AKAP19: variants seen among roughly 807,000 people sequenced by gnomAD.
AKAP19 encodes the protein A-kinase anchoring protein 19, also known as small A-kinase anchoring protein.
chr2:190,013,546 C>T, the AKAP19 span, among the ~76,000 whole-genome samples: 2 of 151,754 alleles, frequency 1.3e-5, no homozygotes, highest in East Asian at 1.9e-4. Flanking sequence ...GATGGAGTCT[C>T]GCTCTGTCAC....
chr2:189,967,858 A>G, the AKAP19 span, among the ~76,000 whole-genome samples: 1 of 152,050 alleles, frequency 6.6e-6, no homozygotes, highest in Non-Finnish European at 1.5e-5. Context: ...TGAAATTAAA[A>G]AAAAAAAAGG....
chr2:190,029,850 TGAGC>T, the AKAP19 span, among the ~76,000 whole-genome samples: 2 of 152,190 alleles, frequency 1.3e-5, no homozygotes, highest in African/African-American at 4.8e-5. Flanking sequence ...ACACACAGAC[TGAGC>T]GAGAGAATAT....
chr2:189,922,242 G>C, the AKAP19 span, among the ~76,000 whole-genome samples: 1 of 152,184 alleles, frequency 6.6e-6, no homozygotes, highest in African/African-American at 2.4e-5. Flanking sequence ...TCATATCATT[G>C]TAACTTTTGT....
chr2:190,154,607 T>C, the AKAP19 span, among the ~76,000 whole-genome samples: 116 of 152,358 alleles, frequency 7.6e-4, no homozygotes, highest in Admixed American at 1.2e-3. Flanking sequence ...CATACTGTTA[T>C]CTTAATTGAG....
At chr2:189,985,682 T>G in the AKAP19 span, among the ~76,000 whole-genome samples, 4 of 152,204 alleles carry the variant, frequency 2.6e-5, no homozygotes, top group Non-Finnish European at 5.9e-5. Flanking sequence ...ACTTCCCTGA[T>G]AAGAACTCAG....
the AKAP19 span, among the ~76,000 whole-genome samples, chr2:190,174,464 T>C: frequency 6.6e-6 from 1 of 152,366 alleles, no homozygotes; most frequent in East Asian, 1.9e-4. Context: ...TGTCTTCAGT[T>C]ATGTGGCTAT....
the AKAP19 span, among the ~76,000 whole-genome samples, chr2:189,971,833 A>AT: frequency 0.92 from 136,883 of 148,766 alleles, 62,989 homozygotes; most frequent in East Asian, 0.96. Flanking sequence ...GGGTTGTTTG[A>AT]TTTTTTTTTT....
the AKAP19 span, among the ~76,000 whole-genome samples, chr2:189,982,461 C>A: frequency 6.6e-6 from 1 of 151,982 alleles, no homozygotes; most frequent in Non-Finnish European, 1.5e-5. Context: ...AGTTTCTTTG[C>A]AATCCATATT....
chr2:189,978,722 G>C, the AKAP19 span, among the ~76,000 whole-genome samples: 1 of 152,136 alleles, frequency 6.6e-6, no homozygotes. Flanking sequence ...TGCTGCAAAG[G>C]ATATGATTTC....
At chr2:190,100,591 G>C in the AKAP19 span, among the ~76,000 whole-genome samples, 118 of 152,282 alleles carry the variant, frequency 7.7e-4, 1 homozygote, top group African/African-American at 2.8e-3. Context: ...TAAAAAAGTA[G>C]AATAACCTGA....
At chr2:189,925,691 C>T in the AKAP19 span, among the ~76,000 whole-genome samples, 7 of 151,964 alleles carry the variant, frequency 4.6e-5, no homozygotes, top group Non-Finnish European at 7.4e-5. Flanking sequence ...TGAGATGAGA[C>T]GCCCTAACCC....
At chr2:189,903,524 G>GA in the AKAP19 span, among the ~76,000 whole-genome samples, 4 of 151,900 alleles carry the variant, frequency 2.6e-5, no homozygotes, top group Non-Finnish European at 5.9e-5. Flanking sequence ...ATCACCATTA[G>GA]ATTCAGTAAA....
chr2:190,070,617 C>T, the AKAP19 span, among the ~76,000 whole-genome samples: 8 of 124,060 alleles, frequency 6.4e-5, no homozygotes, highest in East Asian at 1.0e-3. Flanking sequence ...CTCTCTCTCC[C>T]CCCCCCCTTT....
At chr2:190,154,390 T>C in the AKAP19 span, among the ~76,000 whole-genome samples, 103 of 152,368 alleles carry the variant, frequency 6.8e-4, no homozygotes, top group African/African-American at 2.4e-3. Context: ...TTTTAGTGTA[T>C]TTCTGTTTCT....
chr2:189,997,443 G>A, the AKAP19 span, among the ~76,000 whole-genome samples: 39 of 152,170 alleles, frequency 2.6e-4, no homozygotes, highest in Admixed American at 1.3e-3. Flanking sequence ...AGACTCTCCT[G>A]GGCAGGGCTT....
chr2:190,195,094 G>A, the AKAP19 span, among the ~76,000 whole-genome samples: 1 of 152,058 alleles, frequency 6.6e-6, no homozygotes, highest in Non-Finnish European at 1.5e-5. Flanking sequence ...GAACTCCTGG[G>A]CTCAAATGAT....
chr2:190,196,265 AT>A, the AKAP19 span, among the ~76,000 whole-genome samples: 1 of 151,192 alleles, frequency 6.6e-6, no homozygotes, highest in East Asian at 1.9e-4. Flanking sequence ...TTTTCCCTCC[AT>A]TTTTCAGATT....
the AKAP19 span, among the ~76,000 whole-genome samples, chr2:190,019,900 C>T: frequency 6.6e-6 from 1 of 152,070 alleles, no homozygotes; most frequent in African/African-American, 2.4e-5. Context: ...GGTTTATTCC[C>T]AAGTTTTGAG....
chr2:189,951,070 G>A, the AKAP19 span, among the ~76,000 whole-genome samples: 1 of 151,906 alleles, frequency 6.6e-6, no homozygotes, highest in Non-Finnish European at 1.5e-5. Context: ...TGGGTTTGGA[G>A]GTATTACCTC....
Sources: gnomAD v4.1 joint callset for allele counts (sites outside exome capture counted in the v4.1 genomes callset) on GRCh38, gnomAD v4.1.1 for gene constraint, MANE v1.5 for transcripts, NCBI Gene and HGNC (gene_info 2026-07-23, HGNC 2026-07-21) for gene names.